The following ZFYVE1 variants were observed in gnomAD, a reference collection of about 807,000 sequenced individuals.
ZFYVE1 encodes the protein zinc finger FYVE domain-containing protein 1.
Under a neutral mutation model 74.4 loss-of-function variants are expected in ZFYVE1, and 30 were observed. That is an observed-to-expected ratio of 0.40 (90% confidence interval 0.30 to 0.55). ZFYVE1 has a LOEUF of 0.55. ZFYVE1 is among the 20% of genes least tolerant of loss of function. The pLI is 0.42. For missense variants in ZFYVE1, 703 were observed against 1,011.6 expected (o/e 0.69, Z 4.14); for synonymous variants, 335 against 385.1 (o/e 0.87, Z 1.52).
At chr14:73,014,820 C>G (rs1567362694) in intron 2 of ZFYVE1, among the ~76,000 whole-genome samples, 1 of 152,172 alleles carries the variant, frequency 6.6e-6, no homozygotes, top group Non-Finnish European at 1.5e-5. Flanking sequence ...AGAACAAGCC[C>G]CATGAAGCTA....
rs949914835 is a variant in ZFYVE1, at chr14:73,026,990, G to T, written c.-499C>A. On this transcript the variant is annotated 5_prime_UTR_variant, in exon 1 of 12. Transcript: ENST00000556143. ...CCGCAGGGCGCCAGTGGGGGCAGAG[G>T]CTATTCCTCAGGACACCGGCAGATC... 7 of 398,748 alleles carry T rather than the reference G, an allele frequency of 1.8e-5. No individual in the cohort carries two copies. Among genetic ancestry groups the T allele is most frequent in the Non-Finnish European group, 3.1e-5 (7 of 226,304 alleles). The allele number at this position is 398,748 out of a possible 1,614,324, so 24.7% of individuals were successfully genotyped here. A position where few individuals can be genotyped will look rare whatever the true frequency, so the allele number is the denominator to read the frequency against.
chr14:72,987,025 T>A (rs981765692), intron 4 of ZFYVE1: 1 of 951,432 alleles, frequency 1.1e-6, no homozygotes, highest in Admixed American at 6.2e-5. Flanking sequence ...AAAGGTTGCC[T>A]GGAGACCAGA....
At position 72,978,111 on chromosome 14, in the gene ZFYVE1, C is replaced by T. The variant is rs771748612; in HGVS notation, c.1517+26G>A. 3 of 1,613,906 alleles carry T rather than the reference C, an allele frequency of 1.9e-6. No homozygotes were observed. In the African/African-American group the frequency reaches 4.0e-5, roughly 22 times the overall value. Reference sequence around the variant, plus strand: ...CTGGGGAGACAAACGCACCAGAAAACCTTGAGCCATGTTGTTTAAACTCAC... The same window carrying T: ...CTGGGGAGACAAACGCACCAGAAAATCTTGAGCCATGTTGTTTAAACTCAC... On this transcript the variant is annotated intron_variant, in intron 7 of 11. Transcript: ENST00000556143.
intron 2 of ZFYVE1, among the ~76,000 whole-genome samples, chr14:73,023,662 G>A (rs1282274813): frequency 4.0e-5 from 6 of 151,698 alleles, no homozygotes; most frequent in African/African-American, 1.5e-4. Context: ...ATTCTGAAAT[G>A]TTTTAAATCA....
At chr14:73,025,289 G>C (rs1894434331) in intron 1 of ZFYVE1, among the ~76,000 whole-genome samples, 1 of 151,730 alleles carries the variant, frequency 6.6e-6, no homozygotes, top group South Asian at 2.1e-4. Flanking sequence ...GGCTGGTCTT[G>C]AACTCTTGAC....
intron 2 of ZFYVE1, among the ~76,000 whole-genome samples, chr14:73,004,993 C>CAA (rs34755612): frequency 0.016 from 1,824 of 116,652 alleles, 18 homozygotes; most frequent in African/African-American, 0.022. Flanking sequence ...GACCCCGTCT[C>CAA]AAAAAAAAAA....
In ZFYVE1 at chr14:72,970,236, G is replaced by T. The variant is rs978854317; in HGVS notation, c.*646C>A. ...GACCTCTGACCCTCCACCCACTCCG[G>T]TGACCTGCACGCTAAGTTGGGTGGT... On this transcript the variant is annotated 3_prime_UTR_variant, in exon 12 of 12. Transcript: ENST00000556143. 6.0e-6 allele frequency: 1 copy of T among 167,302 alleles called. No homozygotes were observed. The highest frequency in any genetic ancestry group is 2.4e-5 in the African/African-American group (1 of 41,602). 10.4% of individuals were successfully genotyped at this position (167,302 alleles called of 1,614,324 possible). A position where few individuals can be genotyped will look rare whatever the true frequency, so the allele number is the denominator to read the frequency against.
In ZFYVE1 at chr14:72,978,844, G is replaced by A. The variant is rs1893248844; in HGVS notation, c.1419+17C>T. ...GCAAGCCCGCTGCTGACACAGGGAGGAGCTCGGAGGACTCACCTTGCAGGT... is the reference window on the plus strand; with the variant it reads ...GCAAGCCCGCTGCTGACACAGGGAGAAGCTCGGAGGACTCACCTTGCAGGT... On this transcript the variant is annotated intron_variant, in intron 6 of 11. Transcript: ENST00000556143. 4.3e-6 allele frequency: 7 copies of A among 1,610,250 alleles called. No individual in the cohort carries two copies. Among genetic ancestry groups the A allele is most frequent in the African/African-American group, 1.3e-5 (1 of 74,848 alleles).
intron 4 of ZFYVE1, among the ~76,000 whole-genome samples, chr14:72,982,687 C>A (rs1006090456): frequency 1.3e-5 from 2 of 152,172 alleles, no homozygotes; most frequent in African/African-American, 4.8e-5. Flanking sequence ...TTCAGTCCAG[C>A]CCCAGTGTGA....
At chr14:72,986,475 TA>T (rs33940384) in intron 4 of ZFYVE1, among the ~76,000 whole-genome samples, 39,413 of 139,474 alleles carry the variant, frequency 0.28, 5,721 homozygotes, top group Non-Finnish European at 0.33. Flanking sequence ...CAGTAACTGT[TA>T]AAAAAAAAAA....
intron 2 of ZFYVE1, among the ~76,000 whole-genome samples, chr14:73,004,392 A>T (rs1893934406): frequency 6.6e-6 from 1 of 152,098 alleles, no homozygotes; most frequent in Admixed American, 6.6e-5. Flanking sequence ...GAAAGTGGGG[A>T]CGGGGGAACA....
chr14:72,983,536 C>CT (rs919368031), intron 4 of ZFYVE1, among the ~76,000 whole-genome samples: 4 of 151,596 alleles, frequency 2.6e-5, no homozygotes, highest in African/African-American at 4.9e-5. Context: ...TGAACTCATC[C>CT]TTTTTTATGG....
intron 8 of ZFYVE1, 46 bp downstream of exon 8, chr14:72,977,881 G>C: frequency 1.9e-6 from 3 of 1,589,960 alleles, no homozygotes; most frequent in Non-Finnish European, 2.6e-6. Context: ...ATGAAAAACT[G>C]AACGACACAA....
chr14:72,973,445 C>T (rs1893086534), intron 11 of ZFYVE1, among the ~76,000 whole-genome samples: 2 of 151,866 alleles, frequency 1.3e-5, no homozygotes, highest in African/African-American at 2.4e-5. Flanking sequence ...GCCAAGATCG[C>T]ACCACTGTAC....
rs752725669 is a variant in ZFYVE1, at chr14:73,024,047, T to C, written c.462A>G (p.Val154=). 5.0e-6 allele frequency: 8 copies of C among 1,614,012 alleles called. No homozygotes were observed. In the East Asian group the frequency reaches 6.7e-5, roughly 13 times the overall value. Residue 154 remains valine, a synonymous_variant, in exon 2 of 12, where the codon GTA becomes GTG. Coordinates refer to ENST00000556143, the MANE Select transcript of ZFYVE1 (RefSeq NM_021260.4). ...MTEKVVSFLL[V]DENEEIQVTN... ...TTACCTGAATTTCTTCATTTTCGTC[T>C]ACTAGGAGGAAACTCACAACCTTCT...
intron 3 of ZFYVE1, among the ~76,000 whole-genome samples, chr14:72,996,739 G>A (rs867187280): frequency 6.6e-6 from 1 of 152,302 alleles, no homozygotes; most frequent in Middle Eastern, 3.4e-3. Context: ...CACCGTACCT[G>A]TAAGTACGGA....
At chr14:73,002,917 A>G (rs1462090890) in intron 2 of ZFYVE1, among the ~76,000 whole-genome samples, 13 of 143,260 alleles carry the variant, frequency 9.1e-5, no homozygotes, top group African/African-American at 3.1e-4. Context: ...AATTTTTTGT[A>G]TTTTTTAGTA....
chr14:72,976,969 T>C (rs948428782), intron 8 of ZFYVE1, among the ~76,000 whole-genome samples: 3 of 152,128 alleles, frequency 2.0e-5, no homozygotes, highest in African/African-American at 7.2e-5. Flanking sequence ...ACTTGCCTTT[T>C]TTCCATGAAA....
At chr14:73,025,238 T>C (rs895659863) in intron 1 of ZFYVE1, among the ~76,000 whole-genome samples, 4 of 151,866 alleles carry the variant, frequency 2.6e-5, no homozygotes, top group Admixed American at 6.6e-5. Context: ...CCAGCTAATT[T>C]TTGTATTTTT....
Sources: allele counts gnomAD v4.1 joint callset (sites outside exome capture counted in the v4.1 genomes callset), GRCh38; gene constraint gnomAD v4.1.1; transcripts MANE v1.5; gene names NCBI Gene and HGNC (gene_info 2026-07-23, HGNC 2026-07-21).